Variants in SRPRA observed in about 807,000 individuals in gnomAD.
SRPRA encodes signal recognition particle receptor subunit alpha.
In SRPRA, 30 loss-of-function variants were observed where a neutral mutation model predicts 61.1. That is an observed-to-expected ratio of 0.49 (90% CI 0.37 to 0.67). The LOEUF (loss-of-function observed/expected upper bound fraction) is 0.67, where lower values mean the gene tolerates loss of function less well. Among genes scored for constraint, SRPRA ranks in the 30% least tolerant of loss-of-function variants. SRPRA has a pLI of 0.00. For synonymous variants in SRPRA, 324 were observed against 299.7 expected, an observed-to-expected ratio of 1.08 and a Z score of -0.84; for missense variants, 759 against 828.4, an observed-to-expected ratio of 0.92 and a Z score of 1.03.
At chr11:126,247,866 A>ATAT in the SRPRA span, among the ~76,000 whole-genome samples, 2 of 144,946 alleles carry the variant, frequency 1.4e-5, no homozygotes, top group African/African-American at 5.0e-5. Context: ...TCAAAAAAAA[A>ATAT]ATATATATAT....
At position 126,264,773 on chromosome 11, in the gene SRPRA, T is replaced by A; in HGVS notation, c.1525+186A>T. On this transcript the variant is annotated intron_variant, in intron 11 of 13. Transcript: ENST00000332118. This position sits in a 1 kb window ranked among gnomAD's most constrained non-coding sequence, Gnocchi z 5.0. ...AATTCAGGTTTCTCTGGTTAAGGTATATTAGCTTTGCCTGCAACTACATCT... is the reference window on the plus strand; with the variant it reads ...AATTCAGGTTTCTCTGGTTAAGGTAAATTAGCTTTGCCTGCAACTACATCT... The A allele has an allele frequency of 1.3e-6, 1 of 758,724 alleles. No individual in the cohort carries two copies. The highest frequency in any genetic ancestry group is 2.1e-6 in the Non-Finnish European group (1 of 481,424). 47.0% of individuals were successfully genotyped at this position (758,724 alleles called of 1,614,324 possible). A position where few individuals can be genotyped will look rare whatever the true frequency, so the allele number is the denominator to read the frequency against.
chr11:126,236,109 C>T, the SRPRA span, among the ~76,000 whole-genome samples: 9 of 152,288 alleles, frequency 5.9e-5, no homozygotes, highest in South Asian at 1.0e-3. Flanking sequence ...AGTCCTGTTG[C>T]GTTCCTGATA....
At chr11:126,252,143 C>T in the SRPRA span, among the ~76,000 whole-genome samples, 1 of 151,990 alleles carries the variant, frequency 6.6e-6, no homozygotes, top group South Asian at 2.1e-4. The surrounding 1 kb of genome is among the most constrained non-coding windows in gnomAD (Gnocchi z 4.7). Context: ...CCCGCCATCA[C>T]GTCTGGCTAA....
chr11:126,259,962 C>T (rs1303218978), downstream of SRPRA, among the ~76,000 whole-genome samples: 1 of 151,948 alleles, frequency 6.6e-6, no homozygotes, highest in Non-Finnish European at 1.5e-5. Flanking sequence ...CCTCGTGATC[C>T]ACCCACCTCA....
At chr11:126,257,573 C>CA in the SRPRA span, among the ~76,000 whole-genome samples, 2 of 149,892 alleles carry the variant, frequency 1.3e-5, no homozygotes, top group Non-Finnish European at 3.0e-5. Context: ...GTTGTAAATA[C>CA]CATGGTCAGC....
chr11:126,256,189 C>T, the SRPRA span, among the ~76,000 whole-genome samples: 1 of 152,180 alleles, frequency 6.6e-6, no homozygotes, highest in Non-Finnish European at 1.5e-5. This position sits in a 1 kb window ranked among gnomAD's most constrained non-coding sequence, Gnocchi z 6.6. Flanking sequence ...TCACTTGAAC[C>T]AGGGTGGTGG....
chr11:126,265,555 G>A lies in SRPRA; in HGVS notation c.1139-115C>T, dbSNP rs940264006. ...AACAGTAAATTAGACTCTTGTCCCA[G>A]AAATCCAGAACAGACGCACATTACA... is the stretch of plus-strand genomic sequence containing the variant. On this transcript the variant is annotated intron_variant, in intron 9 of 13. Transcript: ENST00000332118. This position sits in a 1 kb window ranked among gnomAD's most constrained non-coding sequence, Gnocchi z 6.3. 1 of 1,304,126 alleles carries A rather than the reference G, an allele frequency of 7.7e-7. No individual in the cohort carries two copies. Among genetic ancestry groups the A allele is most frequent in the African/African-American group, 1.5e-5 (1 of 67,882 alleles). 80.8% of individuals were successfully genotyped at this position (1,304,126 alleles called of 1,614,324 possible).
the SRPRA span, among the ~76,000 whole-genome samples, chr11:126,239,847 A>G: frequency 6.6e-6 from 1 of 152,172 alleles, no homozygotes; most frequent in Non-Finnish European, 1.5e-5. Flanking sequence ...GACTGAATGC[A>G]GAAGCTCGGG....
Position 126,265,292 on chromosome 11 carries a change from C to T in SRPRA, c.1287G>A (p.Val429=). Residue 429 remains valine (V), a synonymous_variant, in exon 10 of 14, where the codon GTG becomes GTA. Coordinates refer to ENST00000332118, the MANE Select transcript of SRPRA (RefSeq NM_003139.4). The surrounding 1 kb of genome is among the most constrained non-coding windows in gnomAD (Gnocchi z 6.3). ...YVVTFCGVNG[V]GKSTNLAKIS... is the part of the protein sequence containing the mutation. ...CCTTGGCAAGATTAGTAGATTTCCC[C>T]ACTCCATTAACGCCGCAGAAGGTGA... is the stretch of plus-strand genomic sequence containing the variant. The T allele has an allele frequency of 6.2e-7, 1 of 1,614,146 alleles. No individual in the cohort carries two copies. The highest frequency in any genetic ancestry group is 8.5e-7 in the Non-Finnish European group (1 of 1,180,024).
At chr11:126,238,058 A>G in the SRPRA span, among the ~76,000 whole-genome samples, 4 of 151,788 alleles carry the variant, frequency 2.6e-5, no homozygotes, top group Non-Finnish European at 5.9e-5. Context: ...TTAACAGAAA[A>G]CACCAAAAAG....
the SRPRA span, among the ~76,000 whole-genome samples, chr11:126,245,978 A>G: frequency 2.0e-5 from 3 of 151,094 alleles, no homozygotes; most frequent in Non-Finnish European, 2.9e-5. Flanking sequence ...CCTGGGCAAC[A>G]GGTACGAGAC....
chr11:126,249,750 AAAAAG>A, the SRPRA span, among the ~76,000 whole-genome samples: 1 of 117,884 alleles, frequency 8.5e-6, no homozygotes, highest in African/African-American at 3.2e-5. Flanking sequence ...AAAAAAAAAA[AAAAAG>A]AAAAAGAAAA....
chr11:126,242,498 C>T, the SRPRA span, among the ~76,000 whole-genome samples: 5 of 152,048 alleles, frequency 3.3e-5, no homozygotes, highest in African/African-American at 1.2e-4. Flanking sequence ...ATCTCATAGG[C>T]GTATAATATC....
At position 126,267,093 on chromosome 11, in the gene SRPRA, G is replaced by C. The variant is rs1194963807; in HGVS notation, c.526+82C>G. 17 of 1,562,872 alleles carry C rather than the reference G, an allele frequency of 1.1e-5. No homozygotes were observed. Among genetic ancestry groups the C allele is most frequent in the Non-Finnish European group, 1.5e-5 (17 of 1,151,064 alleles). On this transcript the variant is annotated intron_variant, in intron 4 of 13. Transcript: ENST00000332118. This position sits in a 1 kb window ranked among gnomAD's most constrained non-coding sequence, Gnocchi z 4.2. ...TTTGAGTGAGAAGCAGGTAAGCAAT[G>C]ACAAAAGGAAGGACCACCTCAGTCC...
rs1010365635 is a variant in SRPRA, at chr11:126,267,605, AGCACTT to A, written c.303_308del (p.Gln101_Ala103delinsHis). ...CAAAAGTGCCATTTAATAAACTTAA[AGCACTT>A]TGCTGTTGGATCTCTGTGCGGTACT... is the stretch of plus-strand genomic sequence containing the variant. On this transcript the variant is annotated inframe_deletion, in exon 3 of 14. Transcript: ENST00000332118. This position sits in a 1 kb window ranked among gnomAD's most constrained non-coding sequence, Gnocchi z 4.2. 6 of 1,614,056 alleles carry A rather than the reference AGCACTT, an allele frequency of 3.7e-6. No homozygotes were observed. The highest frequency in any genetic ancestry group is 1.7e-5 in the Admixed American group (1 of 60,010).
Position 126,266,033 on chromosome 11 carries a change from A to C in SRPRA, c.981T>G (p.Leu327=), listed in dbSNP as rs1167026784. 1 of 1,614,044 alleles carries C rather than the reference A, an allele frequency of 6.2e-7. No individual in the cohort carries two copies. The highest frequency in any genetic ancestry group is 2.2e-5 in the East Asian group (1 of 44,896). ...CACGACTCAAGCTCTTTGAACCCACAAGGCCCTTCAGCATACCAAACATGC... is the reference window on the plus strand; with the variant it reads ...CACGACTCAAGCTCTTTGAACCCACCAGGCCCTTCAGCATACCAAACATGC... The part of the protein sequence containing the change: ...LGGMFGMLKG[L]VGSKSLSRED... Residue 327 remains leucine (L), a synonymous_variant, in exon 8 of 14, where the codon CTT becomes CTG. Transcript: ENST00000332118.
chr11:126,252,143 C>A, the SRPRA span, among the ~76,000 whole-genome samples: 12 of 152,108 alleles, frequency 7.9e-5, 1 homozygote, highest in South Asian at 6.2e-4. This position sits in a 1 kb window ranked among gnomAD's most constrained non-coding sequence, Gnocchi z 4.7. Context: ...CCCGCCATCA[C>A]GTCTGGCTAA....
chr11:126,256,498 A>T, the SRPRA span: 1 of 1,470,104 alleles, frequency 6.8e-7, no homozygotes, highest in Non-Finnish European at 9.3e-7. The surrounding 1 kb of genome is among the most constrained non-coding windows in gnomAD (Gnocchi z 6.6). Flanking sequence ...ACGTAGCATG[A>T]CCTTCTTGTT....
chr11:126,267,242 A>T lies in SRPRA; in HGVS notation c.459T>A (p.Ile153=), dbSNP rs1170327559. 4 of 1,613,902 alleles carry T rather than the reference A, an allele frequency of 2.5e-6. No individual in the cohort carries two copies. Residue 153 remains isoleucine, a synonymous_variant, in exon 4 of 14, where the codon ATT becomes ATA. Transcript: ENST00000332118. The surrounding 1 kb of genome is among the most constrained non-coding windows in gnomAD (Gnocchi z 4.2). The part of the protein sequence containing the change: ...EKAKKPVRSM[I]ETRGEKPKEK... Reference sequence around the variant, plus strand: ...CCTTGGGCTTTTCCCCCCGTGTCTCAATCATGGACCTCACAGGTTTCTTGG... The same window carrying T: ...CCTTGGGCTTTTCCCCCCGTGTCTCTATCATGGACCTCACAGGTTTCTTGG...
Sources: allele counts gnomAD v4.1 joint callset (sites outside exome capture counted in the v4.1 genomes callset), GRCh38; gene constraint gnomAD v4.1.1; non-coding constraint Gnocchi (gnomAD v3.1); transcripts MANE v1.5; gene names NCBI Gene and HGNC (gene_info 2026-07-23, HGNC 2026-07-21).